Variants in RIOK1 observed in about 807,000 individuals in gnomAD.
RIOK1 encodes serine/threonine-protein kinase RIO1.
Under a neutral mutation model 73.5 loss-of-function variants are expected in RIOK1, and 66 were observed. The ratio of observed to expected loss-of-function variants is 0.90; its 90% CI spans 0.74 to 1.10. The LOEUF (loss-of-function observed/expected upper bound fraction) is 1.10. RIOK1 is among the 50% of genes least tolerant of loss of function. The pLI, the probability that RIOK1 is intolerant of heterozygous loss-of-function variation, is 0.00. For missense variants in RIOK1, 658 were observed against 699.8 expected (o/e 0.94, Z 0.67); for synonymous variants, 224 against 226.8 (o/e 0.99, Z 0.11).
intron 14 of RIOK1, among the ~76,000 whole-genome samples, chr6:7,412,653 A>G (rs2113529264): frequency 1.9e-5 from 1 of 51,986 alleles, no homozygotes; most frequent in Middle Eastern, 0.019. Context: ...CTCCGTCTCA[A>G]AAAAAAAAAA....
intron 2 of RIOK1, among the ~76,000 whole-genome samples, chr6:7,394,207 G>A (rs746222553): frequency 1.2e-4 from 18 of 152,228 alleles, no homozygotes; most frequent in Non-Finnish European, 2.1e-4. Flanking sequence ...GCCGAGCTGG[G>A]CGGATCACCT....
intron 12 of RIOK1, among the ~76,000 whole-genome samples, chr6:7,405,879 G>A (rs1000615475): frequency 2.0e-5 from 3 of 148,236 alleles, no homozygotes; most frequent in African/African-American, 5.0e-5. Context: ...GACTGTCAAA[G>A]TTTGTGAAAG....
intron 8 of RIOK1, among the ~76,000 whole-genome samples, chr6:7,403,490 G>T (rs1411937470): frequency 3.3e-5 from 5 of 152,118 alleles, no homozygotes; most frequent in Admixed American, 2.6e-4. Flanking sequence ...TTTTTATATG[G>T]TGTACACAGG....
Position 7,403,996 on chromosome 6 carries a change from C to T in RIOK1, c.823C>T (p.Leu275Phe). 1 of 1,611,888 alleles carries T rather than the reference C, an allele frequency of 6.2e-7. No individual in the cohort carries two copies. Among genetic ancestry groups the T allele is most frequent in the East Asian group, 2.2e-5 (1 of 44,768 alleles). The change falls in exon 9 of 17, where the codon CTT (leucine) becomes TTT (phenylalanine). Residue 275 changes from leucine (L) to phenylalanine (F), a missense_variant. Leu to Phe is a conservative substitution (Grantham distance 22). Transcript: ENST00000379834. ...ACCAATAATGCTAAGAAGTCATGTTCTTGTCATGAGTTTCATCGGTAAAGA... is the reference window on the plus strand; with the variant it reads ...ACCAATAATGCTAAGAAGTCATGTTTTTGTCATGAGTTTCATCGGTAAAGA... ...PEPIMLRSHVLVMSFIGKDDM... is the reference protein window; with the variant it reads ...PEPIMLRSHVFVMSFIGKDDM...
intron 12 of RIOK1, among the ~76,000 whole-genome samples, chr6:7,409,013 A>G (rs1761819814): frequency 7.1e-6 from 1 of 140,576 alleles, no homozygotes; most frequent in Admixed American, 7.3e-5. Flanking sequence ...GAGCCACCGC[A>G]CCCGGCCTCT....
chr6:7,406,158 A>G (rs1415231283), intron 12 of RIOK1, among the ~76,000 whole-genome samples: 2 of 151,706 alleles, frequency 1.3e-5, no homozygotes, highest in African/African-American at 2.4e-5. Context: ...CACCACACCT[A>G]GCTAATTTTT....
At chr6:7,416,220 G>A (rs1360372798) in intron 16 of RIOK1, among the ~76,000 whole-genome samples, 1 of 152,170 alleles carries the variant, frequency 6.6e-6, no homozygotes, top group African/African-American at 2.4e-5. Flanking sequence ...TTTCTCATAT[G>A]TCTACTAGAA....
Position 7,389,992 on chromosome 6 carries a change from G to A in RIOK1, c.-11G>A. The A allele has an allele frequency of 1.3e-6, 2 of 1,550,376 alleles. No homozygotes were observed. Among genetic ancestry groups the A allele is most frequent in the Non-Finnish European group, 1.7e-6 (2 of 1,146,870 alleles). ...TCGCAGAGCGGCGGCCTCCGGCGGC[G>A]CTCTCCAGTCATGGACTACCGGCGG... On this transcript the variant is annotated 5_prime_UTR_variant, in exon 1 of 17. Coordinates refer to ENST00000379834, the MANE Select transcript of RIOK1 (RefSeq NM_031480.3).
chr6:7,392,053 T>C (rs1258569386), intron 1 of RIOK1, among the ~76,000 whole-genome samples: 1 of 152,226 alleles, frequency 6.6e-6, no homozygotes, highest in Non-Finnish European at 1.5e-5. Flanking sequence ...TCTGTCCTTT[T>C]CTGTACATGA....
intron 4 of RIOK1, 121 bp downstream of exon 4, chr6:7,396,893 GT>G: frequency 3.7e-6 from 1 of 268,718 alleles, no homozygotes; most frequent in East Asian, 4.6e-5. Flanking sequence ...CATTATTTTG[GT>G]GTGTGTGTGT....
chr6:7,393,437 T>C, intron 2 of RIOK1, 134 bp downstream of exon 2: 1 of 689,280 alleles, frequency 1.5e-6, no homozygotes, highest in Non-Finnish European at 2.5e-6. Flanking sequence ...GCCTCAGCCT[T>C]TACTGATTTT....
chr6:7,414,233 T>G lies in RIOK1; in HGVS notation c.1444-5T>G, dbSNP rs1427749922. On this transcript the variant is annotated splice_polypyrimidine_tract_variant and splice_region_variant and intron_variant, in intron 15 of 16. Coordinates refer to ENST00000379834, the MANE Select transcript of RIOK1 (RefSeq NM_031480.3). Reference sequence around the variant, plus strand: ...AGAATAACATGGTTCTTTAATAATTTCAAGGTCCCTGCACTCCTAGAAAAT... The same window carrying G: ...AGAATAACATGGTTCTTTAATAATTGCAAGGTCCCTGCACTCCTAGAAAAT... The G allele has an allele frequency of 3.1e-6, 5 of 1,600,254 alleles. No individual in the cohort carries two copies. Among genetic ancestry groups the G allele is most frequent in the Non-Finnish European group, 4.3e-6 (5 of 1,176,166 alleles).
intron 13 of RIOK1, 48 bp from the exon 14 acceptor site, chr6:7,411,284 G>A (rs748654201): frequency 6.2e-7 from 1 of 1,601,618 alleles, no homozygotes; most frequent in East Asian, 2.2e-5. Context: ...GTGTGAATGT[G>A]AGAAGTGTAT....
Position 7,417,425 on chromosome 6 carries a change from C to T in RIOK1, c.1691C>T (p.Thr564Met), listed in dbSNP as rs114957379. 418 of 1,546,702 alleles carry T rather than the reference C, an allele frequency of 2.7e-4. 1 individual carries two copies. In the African/African-American group the frequency reaches 4.7e-3, roughly 17 times the overall value. Residue 564 changes from threonine (T) to methionine (M), a missense_variant, in exon 17 of 17, where the codon ACG becomes ATG. By Grantham distance (81) the Thr-to-Met change is moderately conservative. Transcript: ENST00000379834. ...VKKRKEKTAKTKKGK is the reference protein window; with the variant it reads ...VKKRKEKTAKMKKGK ...AAAAGAAAGGAGAAGACAGCCAAGA[C>T]GAAAAAAGGCAAATAGAATGAGAAC...
Position 7,402,869 on chromosome 6 carries a change from G to A in RIOK1, c.739G>A (p.Ala247Thr), listed in dbSNP as rs1338762346. Residue 247 changes from alanine to threonine, a missense_variant, in exon 8 of 17, where the codon GCA becomes ACA. By Grantham distance (58) the Ala-to-Thr change is moderately conservative. Transcript: ENST00000379834. The stretch of plus-strand genomic sequence containing the variant: ...CCCTAGGAAAATGGTGAAAACTTGG[G>A]CAGAAAAAGAAATGAGGAACTTAAT... ...GNPRKMVKTW[A>T]EKEMRNLIRL... 1.2e-6 allele frequency: 2 copies of A among 1,613,854 alleles called. No homozygotes were observed. Among genetic ancestry groups the A allele is most frequent in the Non-Finnish European group, 1.7e-6 (2 of 1,179,918 alleles).
chr6:7,398,240 TGGG>T (rs1467044012), intron 4 of RIOK1, among the ~76,000 whole-genome samples: 1 of 151,994 alleles, frequency 6.6e-6, no homozygotes, highest in Non-Finnish European at 1.5e-5. Flanking sequence ...ATGTGGAGGC[TGGG>T]GCAGGAGGAA....
At chr6:7,402,023 T>C (rs1336384958) in intron 6 of RIOK1, among the ~76,000 whole-genome samples, 1 of 152,210 alleles carries the variant, frequency 6.6e-6, no homozygotes, top group Non-Finnish European at 1.5e-5. Flanking sequence ...TTGCATATAC[T>C]TGAGATATAA....
At chr6:7,396,892 G>GT (rs1761487944) in intron 4 of RIOK1, 120 bp downstream of exon 4, 2 of 415,784 alleles carry the variant, frequency 4.8e-6, no homozygotes, top group Non-Finnish European at 4.3e-6. Context: ...TCATTATTTT[G>GT]GTGTGTGTGT....
chr6:7,406,290 C>A (rs1297097355), intron 12 of RIOK1, among the ~76,000 whole-genome samples: 1 of 152,138 alleles, frequency 6.6e-6, no homozygotes, highest in Non-Finnish European at 1.5e-5. Flanking sequence ...AGCCACGACG[C>A]CCGGCCTCAG....
Sources: gnomAD v4.1 joint callset for allele counts (sites outside exome capture counted in the v4.1 genomes callset) on GRCh38, gnomAD v4.1.1 for gene constraint, MANE v1.5 for transcripts, NCBI Gene and HGNC (gene_info 2026-07-23, HGNC 2026-07-21) for gene names.